The following TNIK variants were observed in gnomAD, a reference collection of about 807,000 sequenced individuals.
TNIK encodes the protein TRAF2 and NCK interacting kinase.
In TNIK, 49 loss-of-function variants were observed where a neutral mutation model predicts 191.3. The observed-to-expected ratio is 0.26, with a 90% CI of 0.20 to 0.32. The LOEUF is 0.32. TNIK is among the 10% of genes least tolerant of loss of function. The pLI is 1.00. For missense variants in TNIK, 1,155 were observed against 1,702.3 expected (o/e 0.68, Z 5.66); for synonymous variants, 594 against 600.9 (o/e 0.99, Z 0.17).
Position 171,199,955 on chromosome 3 carries a change from G to T in TNIK, c.307-5320C>A, listed in dbSNP as rs61594863. Among the ~76,000 whole-genome samples, 1,516 of 152,306 alleles carry T rather than the reference G, an allele frequency of 1.0e-2. 25 individuals are homozygous for T. Among genetic ancestry groups the T allele is most frequent in the African/African-American group, 0.035 (1,458 of 41,558 alleles). ...CCCCAGTGTCCACTTCACTTGGATG[G>T]TGAAGAGACAGGGCTGAAAGATATT... is the stretch of plus-strand genomic sequence containing the variant. On this transcript the variant is annotated intron_variant, in intron 4 of 32. Coordinates refer to ENST00000436636, the MANE Select transcript of TNIK (RefSeq NM_015028.4).
intron 23 of TNIK, 73 bp downstream of exon 23, chr3:171,093,766 C>T (rs1247446211): frequency 1.1e-5 from 18 of 1,577,588 alleles, no homozygotes; most frequent in Non-Finnish European, 1.5e-5. Context: ...CATAGGCATT[C>T]TCTGTGAAAG....
At chr3:171,422,381 C>A (rs753721669) in intron 1 of TNIK, among the ~76,000 whole-genome samples, 5 of 152,102 alleles carry the variant, frequency 3.3e-5, no homozygotes, top group Non-Finnish European at 7.4e-5. Context: ...AAACCAAACA[C>A]ACTGTTTACA....
intron 1 of TNIK, among the ~76,000 whole-genome samples, chr3:171,440,208 C>T (rs1577947348): frequency 6.6e-6 from 1 of 152,236 alleles, no homozygotes; most frequent in Non-Finnish European, 1.5e-5. Context: ...ATGGTGGCTA[C>T]TGCAGTTTCC....
chr3:171,164,097 T>A (rs1466448957), intron 10 of TNIK, among the ~76,000 whole-genome samples: 1 of 152,256 alleles, frequency 6.6e-6, no homozygotes, highest in East Asian at 1.9e-4. Flanking sequence ...ACTGTGATTC[T>A]GGTGGCCCTA....
chr3:171,406,222 C>G (rs80040877), intron 1 of TNIK, among the ~76,000 whole-genome samples: 1,585 of 152,206 alleles, frequency 0.01, 24 homozygotes, highest in African/African-American at 0.035. Context: ...GTTGCCAGCA[C>G]ACATTCCGTA....
rs560970746 is a variant in TNIK at position 171,367,409 on chromosome 3, A to G, written c.123+2211T>C. 8.4e-5 allele frequency among the ~76,000 whole-genome samples: 12 copies of G among 143,090 alleles called. No homozygotes were observed. The South Asian group carries it at 2.6e-3, about 32-fold the overall frequency. The allele number at this position is 143,090 out of a possible 152,430, so 93.9% of individuals were successfully genotyped here. On this transcript the variant is annotated intron_variant, in intron 2 of 32. Coordinates refer to ENST00000436636, the MANE Select transcript of TNIK (RefSeq NM_015028.4). Reference sequence around the variant, plus strand: ...CTGGTTGCCTAGAAACCAAACCCTTAAATAGGTAGGTAGGGAGTTATAATT... The same window carrying G: ...CTGGTTGCCTAGAAACCAAACCCTTGAATAGGTAGGTAGGGAGTTATAATT...
intron 2 of TNIK, among the ~76,000 whole-genome samples, chr3:171,229,979 C>T (rs1743416859): frequency 6.6e-6 from 1 of 152,132 alleles, no homozygotes; most frequent in Non-Finnish European, 1.5e-5. Flanking sequence ...TGTGTCTGGG[C>T]CCTCATTTCC....
At chr3:171,199,647 C>T (rs1181969598) in intron 4 of TNIK, among the ~76,000 whole-genome samples, 3 of 152,180 alleles carry the variant, frequency 2.0e-5, no homozygotes, top group Admixed American at 6.5e-5. Flanking sequence ...GGTGAAAGCA[C>T]GTTGCTCTCT....
chr3:171,178,418 G>T (rs900972850), intron 7 of TNIK, among the ~76,000 whole-genome samples: 4 of 114,932 alleles, frequency 3.5e-5, no homozygotes, highest in Non-Finnish European at 6.9e-5. Flanking sequence ...TGCCTATTTT[G>T]TGAGTAGACT....
At chr3:171,453,656 G>A (rs571839439) in intron 1 of TNIK, among the ~76,000 whole-genome samples, 1 of 152,308 alleles carries the variant, frequency 6.6e-6, no homozygotes. Context: ...AAACCAGTCA[G>A]AAGAAGGCTG....
intron 10 of TNIK, among the ~76,000 whole-genome samples, chr3:171,162,520 G>A (rs1021343590): frequency 6.6e-6 from 1 of 152,214 alleles, no homozygotes; most frequent in East Asian, 1.9e-4. Flanking sequence ...AAAATGGGAA[G>A]CAGTTTACAT....
intron 1 of TNIK, among the ~76,000 whole-genome samples, chr3:171,382,218 CTTTTT>C (rs63626462): frequency 3.0e-5 from 3 of 99,146 alleles, no homozygotes; most frequent in Non-Finnish European, 3.8e-5. Context: ...TTGAATACAT[CTTTTT>C]TTTTTTTTTT....
chr3:171,210,251 G>A (rs1740629999), intron 4 of TNIK, among the ~76,000 whole-genome samples: 1 of 152,214 alleles, frequency 6.6e-6, no homozygotes, highest in Non-Finnish European at 1.5e-5. Context: ...CCATTGTAAA[G>A]TCCAGGCTTC....
intron 1 of TNIK, among the ~76,000 whole-genome samples, chr3:171,411,066 CTTTT>C (rs56324481): frequency 1.4e-5 from 2 of 141,798 alleles, no homozygotes; most frequent in Admixed American, 7.1e-5. Flanking sequence ...CATCAATAAT[CTTTT>C]TTTTTTTTTT....
intron 2 of TNIK, among the ~76,000 whole-genome samples, chr3:171,251,488 C>T (rs765097040): frequency 6.6e-6 from 1 of 152,138 alleles, no homozygotes; most frequent in Non-Finnish European, 1.5e-5. Context: ...GGGATGAGTT[C>T]CTCTGTCCTG....
chr3:171,392,099 T>C (rs1457734687), intron 1 of TNIK, among the ~76,000 whole-genome samples: 2 of 152,176 alleles, frequency 1.3e-5, no homozygotes, highest in African/African-American at 2.4e-5. Context: ...AAATCTCCTT[T>C]CAAGTCCTCA....
At chr3:171,096,426 T>C (rs1444082184) in intron 22 of TNIK, among the ~76,000 whole-genome samples, 6 of 152,154 alleles carry the variant, frequency 3.9e-5, no homozygotes, top group African/African-American at 1.4e-4. Context: ...TTGAAGCTCC[T>C]TACTGTGGCT....
At position 171,063,830 on chromosome 3, in the gene TNIK, T is replaced by G; in HGVS notation, c.*51A>C. 6.3e-7 allele frequency: 1 copy of G among 1,581,212 alleles called. No homozygotes were observed. Among genetic ancestry groups the G allele is most frequent in the African/African-American group, 1.4e-5 (1 of 74,064 alleles). On this transcript the variant is annotated 3_prime_UTR_variant, in exon 33 of 33. Transcript: ENST00000436636. Reference sequence around the variant, plus strand: ...TGGCATAAGTCCACATGAGTTATGTTCTTTTAAATTAGAAATAACGCCATG... The same window carrying G: ...TGGCATAAGTCCACATGAGTTATGTGCTTTTAAATTAGAAATAACGCCATG...
At chr3:171,288,730 C>T (rs764936992) in intron 2 of TNIK, among the ~76,000 whole-genome samples, 132 of 147,334 alleles carry the variant, frequency 9.0e-4, no homozygotes, top group Non-Finnish European at 1.9e-3. Context: ...ATTACTTGAA[C>T]GTGGGAGGTG....
Sources: gnomAD v4.1 joint callset for allele counts (sites outside exome capture counted in the v4.1 genomes callset) on GRCh38, gnomAD v4.1.1 for gene constraint, MANE v1.5 for transcripts, NCBI Gene and HGNC (gene_info 2026-07-23, HGNC 2026-07-21) for gene names.